The following CARMIL3 variants were observed in gnomAD, a reference collection of about 807,000 sequenced individuals.
The protein encoded by CARMIL3 is capping protein, Arp2/3 and myosin-I linker protein 3.
CARMIL3 carries 88 observed loss-of-function variants against 180.8 expected under a neutral mutation model. The ratio of observed to expected loss-of-function variants is 0.49; its 90% CI spans 0.41 to 0.58. The LOEUF is 0.58. Among genes scored for constraint, CARMIL3 ranks in the 20% least tolerant of loss-of-function variants. The pLI is 0.00. For synonymous variants in CARMIL3, 696 were observed against 714.5 expected, an observed-to-expected ratio of 0.97 and a Z score of 0.41; for missense variants, 1,548 against 1,787.0, an observed-to-expected ratio of 0.87 and a Z score of 2.41.
At chr14:24,063,652 A>G (rs1293994163) in intron 31 of CARMIL3, 119 bp downstream of exon 31, 3 of 968,808 alleles carry the variant, frequency 3.1e-6, no homozygotes, top group Admixed American at 2.8e-5. Flanking sequence ...GCAGGAGTCC[A>G]GGCATGCCAA....
chr14:24,056,346 G>A lies in CARMIL3; in HGVS notation c.818G>A (p.Cys273Tyr). ...GGGGTGTTTGGGGAGAACGGGAGCT[G>A]TGTGCTGCATGCCCTCACTCTGTCC... ...LAGVFGENGS[C>Y]VLHALTLSHN... The change falls in exon 11 of 40, where the codon TGT becomes TAT. Residue 273 changes from cysteine to tyrosine, a missense_variant. Around this residue, in one of 4 missense-constraint regions of CARMIL3, gnomAD observed 578 missense variants for 666.5 expected, o/e 0.87. Transcript: ENST00000342740. 1.9e-6 allele frequency: 3 copies of A among 1,614,000 alleles called. No individual in the cohort carries two copies. The highest frequency in any genetic ancestry group is 2.5e-6 in the Non-Finnish European group (3 of 1,179,914).
At chr14:24,064,524 C>T (rs771158599) in intron 32 of CARMIL3, among the ~76,000 whole-genome samples, 178 bp downstream of exon 32, 6 of 152,220 alleles carry the variant, frequency 3.9e-5, no homozygotes, top group South Asian at 2.1e-4. Flanking sequence ...ATGACCTCTG[C>T]GTCTTCCCAG....
intron 36 of CARMIL3, 110 bp from the exon 37 acceptor site, chr14:24,068,474 C>A: frequency 2.3e-6 from 2 of 869,624 alleles, no homozygotes; most frequent in Non-Finnish European, 3.5e-6. Context: ...AGCAAGTGGG[C>A]TTGGAGGGAG....
intron 32 of CARMIL3, 103 bp from the exon 33 acceptor site, chr14:24,064,855 G>A: frequency 8.5e-7 from 1 of 1,178,972 alleles, no homozygotes; most frequent in Non-Finnish European, 1.2e-6. Flanking sequence ...GGAAAGGGCT[G>A]CAGTGCAGCA....
In CARMIL3 at chr14:24,058,132, G is replaced by T. The variant is rs2035693555; in HGVS notation, c.1323-23G>T. On this transcript the variant is annotated intron_variant, in intron 16 of 39. Transcript: ENST00000342740. This position sits in a 1 kb window ranked among gnomAD's most constrained non-coding sequence, Gnocchi z 6.4. Reference sequence around the variant, plus strand: ...GGGGAGCGGGAAGAGGTAAAGGAGGGCCTGCTGACCTCCCTCCCACAGGGC... The same window carrying T: ...GGGGAGCGGGAAGAGGTAAAGGAGGTCCTGCTGACCTCCCTCCCACAGGGC... 2.5e-6 allele frequency: 4 copies of T among 1,613,784 alleles called. No individual in the cohort carries two copies. The highest frequency in any genetic ancestry group is 1.7e-5 in the Admixed American group (1 of 60,022).
chr14:24,059,128 C>T lies in CARMIL3; in HGVS notation c.1572-7C>T, dbSNP rs1245564305. The T allele has an allele frequency of 2.5e-6, 4 of 1,599,018 alleles. No homozygotes were observed. The highest frequency in any genetic ancestry group is 2.6e-6 in the Non-Finnish European group (3 of 1,173,128). On this transcript the variant is annotated splice_region_variant and splice_polypyrimidine_tract_variant and intron_variant, in intron 19 of 39. Coordinates refer to ENST00000342740, the MANE Select transcript of CARMIL3 (RefSeq NM_138360.4). This position sits in a 1 kb window ranked among gnomAD's most constrained non-coding sequence, Gnocchi z 6.3. The stretch of plus-strand genomic sequence containing the variant: ...CCCCTCCTACTCTGAGCCCCGCCTC[C>T]CTGCAGGACCCTGGAGGAGATCCTC...
rs754586949 is a variant in CARMIL3 at position 24,058,747 on chromosome 14, A to C, written c.1460A>C (p.Asp487Ala). ...LGAVTCVGSL[D>A]LSDNGFDSDL... ...GCTGTCACCTGTGTAGGCAGCCTGG[A>C]TCTGTCAGACAATGGTGAGTAGTGG... Residue 487 changes from aspartate (D) to alanine (A), a missense_variant, in exon 18 of 40, where the codon GAT becomes GCT. Asp to Ala is a moderately radical substitution (Grantham distance 126). Coordinates refer to ENST00000342740, the MANE Select transcript of CARMIL3 (RefSeq NM_138360.4). The surrounding 1 kb of genome is among the most constrained non-coding windows in gnomAD (Gnocchi z 6.4). 2 of 1,614,080 alleles carry C rather than the reference A, an allele frequency of 1.2e-6. No homozygotes were observed. Among genetic ancestry groups the C allele is most frequent in the Non-Finnish European group, 1.7e-6 (2 of 1,180,004 alleles).
intron 34 of CARMIL3, 104 bp from the exon 35 acceptor site, chr14:24,066,294 A>T: frequency 1.5e-6 from 2 of 1,343,760 alleles, no homozygotes; most frequent in Non-Finnish European, 2.1e-6. Flanking sequence ...TCTAGGGACT[A>T]ATGACATGAG....
intron 34 of CARMIL3, 136 bp downstream of exon 34, chr14:24,065,886 C>G: frequency 5.6e-6 from 7 of 1,253,030 alleles, no homozygotes; most frequent in Non-Finnish European, 7.7e-6. Flanking sequence ...AGCTGCTCTT[C>G]AGCCCCCACC....
chr14:24,061,545 G>T lies in CARMIL3; in HGVS notation c.2353G>T (p.Ala785Ser), dbSNP rs1435653998. ...VSLTQELCPV[A>S]MRVAEGHNKM... ...CCTGACACAGGAGTTATGCCCTGTGGCCATGCGGGTGGCCGAGGGACACAA... is the reference window on the plus strand; with the variant it reads ...CCTGACACAGGAGTTATGCCCTGTGTCCATGCGGGTGGCCGAGGGACACAA... The change falls in exon 27 of 40, where the codon GCC (alanine) becomes TCC (serine). Residue 785 changes from alanine to serine, a missense_variant. This residue lies in a region of CARMIL3 where 297 missense variants were observed against 415.9 expected (regional missense o/e 0.71). Transcript: ENST00000342740. This position sits in a 1 kb window ranked among gnomAD's most constrained non-coding sequence, Gnocchi z 4.1. 6.2e-7 allele frequency: 1 copy of T among 1,613,986 alleles called. No individual in the cohort carries two copies. The highest frequency in any genetic ancestry group is 1.3e-5 in the African/African-American group (1 of 74,918).
chr14:24,057,269 A>G (rs12879859), intron 14 of CARMIL3, 25 bp downstream of exon 14: 448,872 of 1,608,098 alleles, frequency 0.28, 64,176 homozygotes, highest in East Asian at 0.45. Context: ...ATGGGAAGCC[A>G]GTCTGAGGTG....
At position 24,064,261 on chromosome 14, in the gene CARMIL3, A is replaced by G. The variant is rs1255789335; in HGVS notation, c.2995A>G (p.Thr999Ala). 3.7e-6 allele frequency: 6 copies of G among 1,611,970 alleles called. No homozygotes were observed. The African/African-American group carries it at 4.0e-5, about 11-fold the overall frequency. ...PGRPSMPAPGTRQENGMATRL... is the reference protein window; with the variant it reads ...PGRPSMPAPGARQENGMATRL... ...CTCCCAGCAGATGCCAGCACCTGGG[A>G]CTCGTCAGGAGAATGGGATGGCCAC... is the stretch of plus-strand genomic sequence containing the variant. The change falls in exon 32 of 40, where the codon ACT becomes GCT. Residue 999 changes from threonine (T) to alanine (A), a missense_variant. Thr to Ala is a moderately conservative substitution (Grantham distance 58). This residue lies in a region of CARMIL3 where 668 missense variants were observed against 687.8 expected (regional missense o/e 0.97). Transcript: ENST00000342740.
chr14:24,057,104 C>G, intron 13 of CARMIL3, 63 bp from the exon 14 acceptor site: 1 of 1,591,528 alleles, frequency 6.3e-7, no homozygotes, highest in East Asian at 2.3e-5. Flanking sequence ...TGCCCCATGG[C>G]CTCTGGGGGT....
At chr14:24,065,314 C>T (rs1472548728) in intron 33 of CARMIL3, 41 bp downstream of exon 33, 2 of 1,454,790 alleles carry the variant, frequency 1.4e-6, no homozygotes, top group Non-Finnish European at 1.8e-6. Context: ...CCTTTTCCTG[C>T]CCCACACTTA....
Position 24,069,488 on chromosome 14 carries a change from C to A in CARMIL3, c.*84C>A. 6.4e-7 allele frequency: 1 copy of A among 1,559,674 alleles called. No homozygotes were observed. The highest frequency in any genetic ancestry group is 1.4e-5 in the African/African-American group (1 of 73,682). On this transcript the variant is annotated 3_prime_UTR_variant, in exon 40 of 40. Coordinates refer to ENST00000342740, the MANE Select transcript of CARMIL3 (RefSeq NM_138360.4). ...TATCCACCCCCAGTCCCCAGGGCCC[C>A]CTGCCAGCCCCTGTCCTACAGGGGC...
At chr14:24,064,382 C>A in intron 32 of CARMIL3, 36 bp downstream of exon 32, 1 of 1,501,340 alleles carries the variant, frequency 6.7e-7, no homozygotes, top group South Asian at 1.2e-5. Context: ...TTTCAGCAGG[C>A]CCCAAGGCCC....
At chr14:24,052,601 G>A (rs1351282096) in intron 1 of CARMIL3, among the ~76,000 whole-genome samples, 2 of 152,216 alleles carry the variant, frequency 1.3e-5, no homozygotes, top group Non-Finnish European at 1.5e-5. Flanking sequence ...ACCGCTGCGT[G>A]GCTTAACACC....
rs761033604 is a variant in CARMIL3, at chr14:24,056,979, G to A, written c.1017G>A (p.Leu339=). 1.9e-6 allele frequency: 3 copies of A among 1,614,026 alleles called. No homozygotes were observed. Among genetic ancestry groups the A allele is most frequent in the South Asian group, 2.2e-5 (2 of 91,038 alleles). ...NPAFASSLRY[L]DLSKNPGLLA... is the part of the protein sequence containing the mutation. ...CATTTGCCAGCTCCCTTCGATACCT[G>A]GACCTGAGCAAGAATCCTGGGCTCC... is the stretch of plus-strand genomic sequence containing the variant. The change falls in exon 13 of 40, where the codon CTG becomes CTA. Residue 339 remains leucine, a synonymous_variant. Coordinates refer to ENST00000342740, the MANE Select transcript of CARMIL3 (RefSeq NM_138360.4).
At position 24,061,699 on chromosome 14, in the gene CARMIL3, C is replaced by T. The variant is rs771735742; in HGVS notation, c.2480+27C>T. 6.2e-7 allele frequency: 1 copy of T among 1,602,648 alleles called. No homozygotes were observed. Among genetic ancestry groups the T allele is most frequent in the Admixed American group, 1.7e-5 (1 of 59,308 alleles). Reference sequence around the variant, plus strand: ...TGAGAGGCAAAGGGCAGGGCTGGGGCTGAGCTGGATTTGGCCCAGATCACT... The same window carrying T: ...TGAGAGGCAAAGGGCAGGGCTGGGGTTGAGCTGGATTTGGCCCAGATCACT... On this transcript the variant is annotated intron_variant, in intron 27 of 39. Coordinates refer to ENST00000342740, the MANE Select transcript of CARMIL3 (RefSeq NM_138360.4). This position sits in a 1 kb window ranked among gnomAD's most constrained non-coding sequence, Gnocchi z 4.1.
Sources: gnomAD v4.1 joint callset for allele counts (sites outside exome capture counted in the v4.1 genomes callset) on GRCh38, gnomAD v4.1.1 for gene constraint, gnomAD v4.1.1 regional missense constraint, Gnocchi (gnomAD v3.1) non-coding constraint, MANE v1.5 for transcripts, NCBI Gene and HGNC (gene_info 2026-07-23, HGNC 2026-07-21) for gene names.